The following VPS41 variants were observed in gnomAD, a reference collection of about 807,000 sequenced individuals.
VPS41 encodes the protein vacuolar protein sorting-associated protein 41 homolog.
VPS41 carries 85 observed loss-of-function variants against 130.9 expected under a neutral mutation model. The ratio of observed to expected loss-of-function variants is 0.65; its 90% CI spans 0.55 to 0.78. The LOEUF (loss-of-function observed/expected upper bound fraction) is 0.78, where lower values mean the gene tolerates loss of function less well. Among genes scored for constraint, VPS41 ranks in the 30% least tolerant of loss-of-function variants. The probability of loss-of-function intolerance (pLI) is 0.00; values close to 1 mark genes in which losing one functional copy is unlikely to be tolerated. For synonymous variants in VPS41, 335 were observed against 332.9 expected, an observed-to-expected ratio of 1.01 and a Z score of -0.07; for missense variants, 874 against 1,018.7, an observed-to-expected ratio of 0.86 and a Z score of 1.93.
intron 10 of VPS41, among the ~76,000 whole-genome samples, chr7:38,776,995 C>G (rs897516415): frequency 6.6e-6 from 1 of 152,184 alleles, no homozygotes; most frequent in Non-Finnish European, 1.5e-5. Flanking sequence ...AAATTCCCAT[C>G]ACAAACAAAA....
Position 38,774,104 on chromosome 7 carries a change from A to G in VPS41, c.1012+11T>C, listed in dbSNP as rs756269421. On this transcript the variant is annotated intron_variant, in intron 12 of 28. Transcript: ENST00000310301. ...AAAAAGCATATCAGCCAGATCTTTCATATCTCCTACCTAAATGATAATCTC... is the reference window on the plus strand; with the variant it reads ...AAAAAGCATATCAGCCAGATCTTTCGTATCTCCTACCTAAATGATAATCTC... 2.0e-5 allele frequency: 32 copies of G among 1,587,150 alleles called. No homozygotes were observed. The highest frequency in any genetic ancestry group is 8.7e-5 in the Admixed American group (5 of 57,788).
intron 5 of VPS41, among the ~76,000 whole-genome samples, chr7:38,825,521 C>T (rs747107277): frequency 6.6e-6 from 1 of 152,128 alleles, no homozygotes; most frequent in African/African-American, 2.4e-5. Flanking sequence ...GGGAATCCCT[C>T]CGCTTTTGGG....
At chr7:38,850,383 T>A (rs961797454) in intron 4 of VPS41, among the ~76,000 whole-genome samples, 5 of 152,228 alleles carry the variant, frequency 3.3e-5, no homozygotes, top group Non-Finnish European at 5.9e-5. Context: ...TCTGAGTTGT[T>A]TGGGTTTTCC....
chr7:38,728,524 T>G lies in VPS41; in HGVS notation c.2404+18A>C, dbSNP rs201864562. The G allele has an allele frequency of 8.7e-6, 14 of 1,614,032 alleles. No homozygotes were observed. Among genetic ancestry groups the G allele is most frequent in the Middle Eastern group, 1.6e-4 (1 of 6,084 alleles). ...TTAAAATACATGTTTGGGATTTTTTTGGGGAAAACCTTCTTACCTGATGGA... is the reference window on the plus strand; with the variant it reads ...TTAAAATACATGTTTGGGATTTTTTGGGGGAAAACCTTCTTACCTGATGGA... On this transcript the variant is annotated intron_variant, in intron 27 of 28. Transcript: ENST00000310301.
intron 2 of VPS41, among the ~76,000 whole-genome samples, chr7:38,897,103 A>G (rs1251425453): frequency 6.6e-6 from 1 of 150,942 alleles, no homozygotes; most frequent in Non-Finnish European, 1.5e-5. Context: ...CTGAGGCTGG[A>G]GAATCACTTG....
At chr7:38,855,208 CAAAAAAAAAA>C (rs746134361) in intron 4 of VPS41, among the ~76,000 whole-genome samples, 6 of 77,258 alleles carry the variant, frequency 7.8e-5, no homozygotes, top group East Asian at 4.4e-4. Flanking sequence ...GACTCCCTCT[CAAAAAAAAAA>C]AAAAAAAAAA....
chr7:38,847,482 A>C (rs1785753015), intron 4 of VPS41, among the ~76,000 whole-genome samples: 1 of 152,170 alleles, frequency 6.6e-6, no homozygotes, highest in African/African-American at 2.4e-5. Flanking sequence ...CATCGCTGAG[A>C]CTATATAACT....
At chr7:38,740,116 C>T (rs1250801824) in intron 25 of VPS41, among the ~76,000 whole-genome samples, 1 of 152,164 alleles carries the variant, frequency 6.6e-6, no homozygotes, top group Admixed American at 6.5e-5. Context: ...AAAGGCACAA[C>T]TTTTAACCTA....
At chr7:38,901,367 C>T (rs1232102994) in intron 1 of VPS41, among the ~76,000 whole-genome samples, 1 of 152,136 alleles carries the variant, frequency 6.6e-6, no homozygotes, top group Admixed American at 6.5e-5. Flanking sequence ...ATTTGGCTCA[C>T]GGTTCTGCAG....
At chr7:38,781,379 G>A (rs958696894) in intron 10 of VPS41, among the ~76,000 whole-genome samples, 3 of 152,126 alleles carry the variant, frequency 2.0e-5, no homozygotes, top group Non-Finnish European at 2.9e-5. Flanking sequence ...AGATGCCCAA[G>A]TTTTTCGCTT....
chr7:38,855,334 C>A lies in VPS41; in HGVS notation c.246+7211G>T, dbSNP rs147890841. Reference sequence around the variant, plus strand: ...GAGGAGAGAAGGAAAATGATCATTTCTTTTGCTGAAACATGAAAAAAGAGA... The same window carrying A: ...GAGGAGAGAAGGAAAATGATCATTTATTTTGCTGAAACATGAAAAAAGAGA... On this transcript the variant is annotated intron_variant, in intron 4 of 28. Transcript: ENST00000310301. Among the ~76,000 whole-genome samples, 4 of 150,820 alleles carry A rather than the reference C, an allele frequency of 2.7e-5. No homozygotes were observed. The East Asian group carries it at 6.0e-4, about 23-fold the overall frequency.
chr7:38,869,077 A>C, intron 3 of VPS41, 69 bp downstream of exon 3: 2 of 1,197,232 alleles, frequency 1.7e-6, no homozygotes, highest in South Asian at 1.5e-5. Context: ...AAACATCAGG[A>C]CTCCAAAGCA....
Position 38,830,117 on chromosome 7 carries a change from C to T in VPS41, c.321+137G>A, listed in dbSNP as rs1053102495. 9.7e-5 allele frequency: 66 copies of T among 679,810 alleles called. 1 individual carries two copies. In the South Asian group the frequency reaches 1.2e-3, roughly 12 times the overall value. 42.1% of individuals were successfully genotyped at this position (679,810 alleles called of 1,614,324 possible). ...AAAATATATTTTACTTCAATTATGA[C>T]CAATCAGAAGCAAGTTCAATACTCA... On this transcript the variant is annotated intron_variant, in intron 5 of 28. Coordinates refer to ENST00000310301, the MANE Select transcript of VPS41 (RefSeq NM_014396.4).
chr7:38,903,193 T>C (rs751497380), intron 1 of VPS41, among the ~76,000 whole-genome samples: 6 of 152,192 alleles, frequency 3.9e-5, no homozygotes, highest in Non-Finnish European at 5.9e-5. Context: ...CAACAATTCC[T>C]TGGGCTCCTA....
chr7:38,853,986 T>C (rs957658892), intron 4 of VPS41, among the ~76,000 whole-genome samples: 1 of 152,226 alleles, frequency 6.6e-6, no homozygotes, highest in Non-Finnish European at 1.5e-5. Context: ...TATCAAGTTA[T>C]CTATAAATAC....
At chr7:38,895,791 G>A (rs926560297) in intron 2 of VPS41, among the ~76,000 whole-genome samples, 2 of 152,100 alleles carry the variant, frequency 1.3e-5, no homozygotes, top group African/African-American at 4.8e-5. Flanking sequence ...GTCACCTAAA[G>A]CCCTATACAC....
chr7:38,893,783 G>C (rs1786916537), intron 2 of VPS41, among the ~76,000 whole-genome samples: 2 of 152,116 alleles, frequency 1.3e-5, no homozygotes, highest in African/African-American at 2.4e-5. Context: ...AATTCTTAAA[G>C]TTTTAAATAT....
intron 4 of VPS41, among the ~76,000 whole-genome samples, chr7:38,844,441 A>C (rs1785680732): frequency 6.6e-6 from 1 of 152,266 alleles, no homozygotes; most frequent in African/African-American, 2.4e-5. Context: ...TTAGCCACTT[A>C]AACTTCCATT....
intron 2 of VPS41, among the ~76,000 whole-genome samples, chr7:38,887,573 G>A (rs995956160): frequency 3.9e-5 from 6 of 152,110 alleles, no homozygotes; most frequent in South Asian, 2.1e-4. Flanking sequence ...TGAAAGTGGC[G>A]GGGATAATGG....
Sources: allele counts gnomAD v4.1 joint callset (sites outside exome capture counted in the v4.1 genomes callset), GRCh38; gene constraint gnomAD v4.1.1; transcripts MANE v1.5; gene names NCBI Gene and HGNC (gene_info 2026-07-23, HGNC 2026-07-21).